The following RBFOX1 variants were observed in gnomAD, a reference collection of about 807,000 sequenced individuals.
RBFOX1 encodes the protein RNA binding protein fox-1 homolog 1.
A neutral mutation model predicts 57.7 loss-of-function variants in RBFOX1; 8 were observed. That is an observed-to-expected ratio of 0.14 (90% CI 0.08 to 0.25). RBFOX1 has a LOEUF of 0.25. Among genes scored for constraint, RBFOX1 ranks in the 10% least tolerant of loss-of-function variants. The probability of loss-of-function intolerance (pLI) is 1.00; values close to 1 mark genes in which losing one functional copy is unlikely to be tolerated. For missense variants in RBFOX1, 611 were observed against 548.5 expected (o/e 1.11, Z -1.14); for synonymous variants, 326 against 222.4 (o/e 1.47, Z -4.15).
At chr16:7,654,404 A>G (rs1260828396) in intron 12 of RBFOX1, among the ~76,000 whole-genome samples, 1 of 152,130 alleles carries the variant, frequency 6.6e-6, no homozygotes, top group Non-Finnish European at 1.5e-5. Context: ...AGGGTCACGA[A>G]CCTTTGCCTG....
intron 2 of RBFOX1, among the ~76,000 whole-genome samples, chr16:6,418,447 A>T (rs1236225217): frequency 6.6e-6 from 1 of 150,960 alleles, no homozygotes; most frequent in African/African-American, 2.4e-5. Context: ...GGGGTGCATT[A>T]TGATGTTATC....
chr16:7,253,421 C>G (rs1194501264), intron 4 of RBFOX1, among the ~76,000 whole-genome samples: 2 of 152,194 alleles, frequency 1.3e-5, no homozygotes, highest in African/African-American at 4.8e-5. Context: ...CCCTCAACCT[C>G]TTCCTTGTCC....
At chr16:7,546,442 C>T (rs1209140733) in intron 5 of RBFOX1, among the ~76,000 whole-genome samples, 1 of 152,178 alleles carries the variant, frequency 6.6e-6, no homozygotes. Context: ...TAATACAACG[C>T]AATCCCTTAT....
chr16:7,172,889 G>C (rs1177186651), intron 4 of RBFOX1, among the ~76,000 whole-genome samples: 1 of 152,170 alleles, frequency 6.6e-6, no homozygotes, highest in Non-Finnish European at 1.5e-5. Context: ...AAACTGACCT[G>C]CCATGAGATT....
intron 4 of RBFOX1, among the ~76,000 whole-genome samples, chr16:7,214,720 C>G (rs572542628): frequency 8.5e-5 from 13 of 152,188 alleles, no homozygotes; most frequent in African/African-American, 3.1e-4. Context: ...ACTGCGCGAT[C>G]TTTCTTTTTG....
At chr16:6,247,357 G>T (rs2097575060) in intron 1 of RBFOX1, among the ~76,000 whole-genome samples, 1 of 152,190 alleles carries the variant, frequency 6.6e-6, no homozygotes, top group African/African-American at 2.4e-5. Context: ...GACTTTGGCA[G>T]CTGGTCACAT....
chr16:7,022,616 A>C (rs1438619358), intron 3 of RBFOX1, among the ~76,000 whole-genome samples: 1 of 152,162 alleles, frequency 6.6e-6, no homozygotes, highest in Non-Finnish European at 1.5e-5. Flanking sequence ...TTGTGAGCCA[A>C]GCACTGCAGT....
rs576310720 is a variant in RBFOX1 at position 7,421,151 on chromosome 16, C to A, written c.28-96996C>A. Among the ~76,000 whole-genome samples the A allele has an allele frequency of 1.1e-3, 167 of 151,904 alleles. 1 individual carries two copies. Among genetic ancestry groups the A allele is most frequent in the African/African-American group, 3.9e-3 (162 of 41,390 alleles). On this transcript the variant is annotated intron_variant, in intron 4 of 15. Coordinates refer to ENST00000550418, the MANE Select transcript of RBFOX1 (RefSeq NM_018723.4). ...AGGTGGAGAAGGCACTGGTATTGAC[C>A]AGGAAAGTTGTATGTAATAGAAATT... is the stretch of plus-strand genomic sequence containing the variant.
chr16:7,237,837 C>G (rs1025341770), intron 4 of RBFOX1, among the ~76,000 whole-genome samples: 1 of 152,122 alleles, frequency 6.6e-6, no homozygotes, highest in African/African-American at 2.4e-5. Context: ...GAAAACTCAA[C>G]TACTCAAAAT....
intron 12 of RBFOX1, among the ~76,000 whole-genome samples, chr16:7,657,536 C>T (rs1360682109): frequency 6.6e-6 from 1 of 152,182 alleles, no homozygotes; most frequent in Non-Finnish European, 1.5e-5. Flanking sequence ...AACTCCTGAC[C>T]TCAGGTGATC....
At chr16:6,853,544 A>G (rs981221716) in intron 3 of RBFOX1, among the ~76,000 whole-genome samples, 7 of 152,000 alleles carry the variant, frequency 4.6e-5, no homozygotes, top group African/African-American at 2.4e-5. Context: ...ATGCTTTCAG[A>G]ATTTGGGTTA....
intron 1 of RBFOX1, among the ~76,000 whole-genome samples, chr16:5,248,366 G>A (rs2062356477): frequency 6.6e-6 from 1 of 152,230 alleles, no homozygotes; most frequent in East Asian, 1.9e-4. Context: ...TTCCTTGCAG[G>A]CAACTGCACT....
chr16:6,338,852 G>A (rs952409833), intron 2 of RBFOX1, among the ~76,000 whole-genome samples: 1 of 152,178 alleles, frequency 6.6e-6, no homozygotes, highest in Non-Finnish European at 1.5e-5. Context: ...CTTTTATTTT[G>A]TGGTAGGTAC....
chr16:6,225,771 G>T (rs915262670), intron 1 of RBFOX1, among the ~76,000 whole-genome samples: 3 of 152,208 alleles, frequency 2.0e-5, no homozygotes, highest in African/African-American at 4.8e-5. Context: ...AATGGATCAT[G>T]TCAGAAAGCA....
At chr16:7,529,916 G>A (rs2079600931) in intron 5 of RBFOX1, among the ~76,000 whole-genome samples, 2 of 150,790 alleles carry the variant, frequency 1.3e-5, no homozygotes. Context: ...GGCGGAGGCA[G>A]GAGAATCACT....
At chr16:7,276,864 A>G (rs929504432) in intron 4 of RBFOX1, among the ~76,000 whole-genome samples, 1 of 152,198 alleles carries the variant, frequency 6.6e-6, no homozygotes, top group South Asian at 2.1e-4. Flanking sequence ...GCTTCTGTCT[A>G]ATTATGTGTA....
intron 3 of RBFOX1, among the ~76,000 whole-genome samples, chr16:5,688,264 G>T (rs1290596274): frequency 2.0e-5 from 3 of 152,130 alleles, no homozygotes; most frequent in Non-Finnish European, 4.4e-5. Context: ...TTATGTGTTT[G>T]GCATGACAAT....
chr16:5,478,232 G>A (rs2069400469), intron 2 of RBFOX1, among the ~76,000 whole-genome samples: 2 of 151,704 alleles, frequency 1.3e-5, no homozygotes, highest in African/African-American at 4.9e-5. Flanking sequence ...AGCGAAGGGA[G>A]TTTGATTTCT....
In RBFOX1 at chr16:6,649,734, G is replaced by T. The variant is rs139369314; in HGVS notation, c.-63-4869G>T. Among the ~76,000 whole-genome samples the T allele has an allele frequency of 2.7e-3, 413 of 152,168 alleles. 2 individuals carry two copies. Among genetic ancestry groups the T allele is most frequent in the African/African-American group, 9.5e-3 (394 of 41,496 alleles). ...GGCTCAGTAGTATTCCATTATATAT[G>T]TTGGGGAAGTATTTTATTACATATG... On this transcript the variant is annotated intron_variant, in intron 2 of 15. Transcript: ENST00000550418.
Sources: gnomAD v4.1 joint callset for allele counts (sites outside exome capture counted in the v4.1 genomes callset) on GRCh38, gnomAD v4.1.1 for gene constraint, MANE v1.5 for transcripts, NCBI Gene and HGNC (gene_info 2026-07-23, HGNC 2026-07-21) for gene names.